The following PAM variants were observed in gnomAD, a reference collection of about 807,000 sequenced individuals.
The protein encoded by PAM is peptidylglycine alpha-amidating monooxygenase.
PAM carries 72 observed loss-of-function variants against 122.1 expected under a neutral mutation model. The ratio of observed to expected loss-of-function variants is 0.59; its 90% CI spans 0.49 to 0.72. PAM has a LOEUF of 0.72. PAM is among the 30% of genes least tolerant of loss of function. PAM has a pLI of 0.00. For synonymous variants in PAM, 389 were observed against 404.4 expected (o/e 0.96, Z 0.46); for missense variants, 1,106 against 1,183.7 (o/e 0.93, Z 0.96).
At chr5:102,790,332 A>G (rs1401180579) in intron 1 of PAM, among the ~76,000 whole-genome samples, 1 of 152,068 alleles carries the variant, frequency 6.6e-6, no homozygotes, top group Non-Finnish European at 1.5e-5. Context: ...AGGATGGACA[A>G]TTGGTTTGGC....
intron 7 of PAM, among the ~76,000 whole-genome samples, chr5:102,933,883 C>T (rs1448363306): frequency 6.6e-6 from 1 of 152,162 alleles, no homozygotes; most frequent in African/African-American, 2.4e-5. Context: ...TCAGTGTAAG[C>T]ATCTGAGTGC....
At chr5:102,795,261 A>C (rs1241733842) in intron 1 of PAM, among the ~76,000 whole-genome samples, 1 of 150,406 alleles carries the variant, frequency 6.6e-6, no homozygotes, top group African/African-American at 2.4e-5. Context: ...GAGATGAGTT[A>C]TCCTACTTTG....
At chr5:102,907,431 T>A (rs897290812) in intron 4 of PAM, among the ~76,000 whole-genome samples, 1 of 151,518 alleles carries the variant, frequency 6.6e-6, no homozygotes, top group African/African-American at 2.4e-5. Flanking sequence ...GCAATAAACA[T>A]ACGTGTGCTT....
intron 12 of PAM, among the ~76,000 whole-genome samples, chr5:102,951,988 TTTAC>T (rs1264937637): frequency 6.6e-6 from 1 of 152,038 alleles, no homozygotes; most frequent in Non-Finnish European, 1.5e-5. Context: ...CTTAACAATC[TTTAC>T]ATGAGGTAAC....
At chr5:102,825,315 A>G (rs1241845686) in intron 1 of PAM, among the ~76,000 whole-genome samples, 1 of 152,204 alleles carries the variant, frequency 6.6e-6, no homozygotes, top group Non-Finnish European at 1.5e-5. Context: ...GCTGGCTTTC[A>G]ATCTAAAACT....
intron 24 of PAM, among the ~76,000 whole-genome samples, chr5:103,026,375 T>G (rs1318369279): frequency 6.6e-6 from 1 of 152,140 alleles, no homozygotes; most frequent in Non-Finnish European, 1.5e-5. Flanking sequence ...GGCAAAGCCC[T>G]GACACAGAAA....
At chr5:102,757,427 A>G (rs1247831898) in intron 1 of PAM, among the ~76,000 whole-genome samples, 4 of 152,250 alleles carry the variant, frequency 2.6e-5, no homozygotes, top group African/African-American at 9.6e-5. Context: ...TTCTAAAATA[A>G]AATGCCATGT....
At chr5:102,877,680 G>C (rs1789663770) in intron 3 of PAM, among the ~76,000 whole-genome samples, 1 of 152,104 alleles carries the variant, frequency 6.6e-6, no homozygotes, top group South Asian at 2.1e-4. Flanking sequence ...TGCTAAGAGA[G>C]AAAAATTTAT....
intron 1 of PAM, among the ~76,000 whole-genome samples, chr5:102,855,732 A>G (rs1013420142): frequency 5.1e-4 from 78 of 152,260 alleles, no homozygotes; most frequent in African/African-American, 1.8e-3. Flanking sequence ...AAAAGTCACA[A>G]ACATCTCATT....
intron 3 of PAM, among the ~76,000 whole-genome samples, chr5:102,869,597 T>A (rs1786720087): frequency 6.6e-6 from 1 of 152,152 alleles, no homozygotes. Flanking sequence ...GTGCCATGAG[T>A]ATGTAACTTG....
At chr5:102,848,643 AAAG>A in intron 1 of PAM, among the ~76,000 whole-genome samples, 1 of 152,218 alleles carries the variant, frequency 6.6e-6, no homozygotes, top group Non-Finnish European at 1.5e-5. Context: ...AAAAGAGAGA[AAAG>A]AACTCAGCTG....
intron 16 of PAM, among the ~76,000 whole-genome samples, chr5:102,992,207 A>G (rs1774291139): frequency 6.6e-6 from 1 of 152,164 alleles, no homozygotes; most frequent in African/African-American, 2.4e-5. Flanking sequence ...GCAAAGCCCC[A>G]GAGTATTTGC....
chr5:102,924,762 T>C (rs1440093321), intron 5 of PAM, among the ~76,000 whole-genome samples, 195 bp from the exon 6 acceptor site: 6 of 152,170 alleles, frequency 3.9e-5, no homozygotes, highest in Non-Finnish European at 8.8e-5. Context: ...GTTTCCTCTT[T>C]TATGTGCTTT....
intron 15 of PAM, 54 bp downstream of exon 15, chr5:102,974,490 T>C: frequency 1.8e-6 from 2 of 1,138,512 alleles, no homozygotes; most frequent in Non-Finnish European, 1.3e-6. Flanking sequence ...CAATCCACGT[T>C]AGCAAAACCT....
At chr5:102,849,810 A>G (rs1027792334) in intron 1 of PAM, among the ~76,000 whole-genome samples, 13 of 152,164 alleles carry the variant, frequency 8.5e-5, no homozygotes, top group Non-Finnish European at 5.9e-5. Context: ...ATATCAACAT[A>G]TTCGGGAAAA....
chr5:102,965,241 T>G (rs1295792787), intron 14 of PAM, among the ~76,000 whole-genome samples: 1 of 151,262 alleles, frequency 6.6e-6, no homozygotes, highest in Non-Finnish European at 1.5e-5. Flanking sequence ...ACTAACACAT[T>G]TTGTAAGTTC....
chr5:102,854,847 GA>G (rs1330808985), intron 1 of PAM, among the ~76,000 whole-genome samples: 1 of 152,188 alleles, frequency 6.6e-6, no homozygotes, highest in South Asian at 2.1e-4. Flanking sequence ...TCAGCCAGAA[GA>G]AAATTATGAA....
At chr5:102,972,032 C>T (rs1480466574) in intron 14 of PAM, among the ~76,000 whole-genome samples, 1 of 152,150 alleles carries the variant, frequency 6.6e-6, no homozygotes, top group Non-Finnish European at 1.5e-5. Context: ...AACCCAATAA[C>T]AATTTTAAAT....
chr5:102,979,775 G>A (rs1311529873), intron 15 of PAM, among the ~76,000 whole-genome samples: 3 of 151,930 alleles, frequency 2.0e-5, no homozygotes, highest in Non-Finnish European at 4.4e-5. Context: ...ATTAATTGAT[G>A]CAATTTTAAT....
Sources: gnomAD v4.1 joint callset for allele counts (sites outside exome capture counted in the v4.1 genomes callset) on GRCh38, gnomAD v4.1.1 for gene constraint, MANE v1.5 for transcripts, NCBI Gene and HGNC (gene_info 2026-07-23, HGNC 2026-07-21) for gene names.